The following CCSER1 variants were observed in gnomAD, a reference collection of about 807,000 sequenced individuals.
CCSER1 encodes serine-rich coiled-coil domain-containing protein 1.
Under a neutral mutation model 82.0 loss-of-function variants are expected in CCSER1, and 41 were observed. That is an observed-to-expected ratio of 0.50 (90% CI 0.39 to 0.65). CCSER1 has a LOEUF of 0.65. Among genes scored for constraint, CCSER1 ranks in the 30% least tolerant of loss-of-function variants. The pLI, the probability that CCSER1 is intolerant of heterozygous loss-of-function variation, is 0.00. For missense variants in CCSER1, 1,119 were observed against 1,064.2 expected, an observed-to-expected ratio of 1.05 and a Z score of -0.72; for synonymous variants, 414 against 383.9, an observed-to-expected ratio of 1.08 and a Z score of -0.92.
chr4:90,596,147 T>C (rs1034965480), intron 5 of CCSER1, among the ~76,000 whole-genome samples: 4 of 151,896 alleles, frequency 2.6e-5, no homozygotes, highest in Admixed American at 2.6e-4. Flanking sequence ...GAAACAAAAC[T>C]ATTTCCTCCT....
chr4:91,581,267 C>T (rs1327993634), intron 10 of CCSER1, among the ~76,000 whole-genome samples: 1 of 151,646 alleles, frequency 6.6e-6, no homozygotes, highest in Non-Finnish European at 1.5e-5. Flanking sequence ...AAGCAAGCAC[C>T]AGTTGCTGGC....
At chr4:90,570,022 C>T (rs1314187980) in intron 5 of CCSER1, among the ~76,000 whole-genome samples, 1 of 152,174 alleles carries the variant, frequency 6.6e-6, no homozygotes, top group East Asian at 1.9e-4. Flanking sequence ...GGTCCCAGTT[C>T]CTCAGGACTG....
At chr4:90,366,292 T>C (rs955815227) in intron 3 of CCSER1, among the ~76,000 whole-genome samples, 7 of 149,722 alleles carry the variant, frequency 4.7e-5, no homozygotes, top group Admixed American at 1.3e-4. Context: ...TGTTAGTATC[T>C]TAATCACTTT....
intron 10 of CCSER1, among the ~76,000 whole-genome samples, chr4:91,119,015 T>C (rs780750388): frequency 6.6e-6 from 1 of 152,160 alleles, no homozygotes; most frequent in Non-Finnish European, 1.5e-5. Flanking sequence ...TTTCCTTCCT[T>C]AAAAGAGGTG....
chr4:91,049,276 C>G (rs1461588), intron 9 of CCSER1, among the ~76,000 whole-genome samples: 137,768 of 152,226 alleles, frequency 0.91, 62,491 homozygotes, highest in African/African-American at 0.92. Context: ...AATTGGATCT[C>G]GGAATAATAA....
intron 10 of CCSER1, among the ~76,000 whole-genome samples, chr4:91,456,481 T>C (rs6851215): frequency 0.84 from 127,398 of 152,072 alleles, 53,841 homozygotes; most frequent in African/African-American, 0.94. Flanking sequence ...TCTTTTAATG[T>C]ACTTTCTTAA....
chr4:91,381,990 T>C (rs1750934459), intron 10 of CCSER1, among the ~76,000 whole-genome samples: 2 of 152,184 alleles, frequency 1.3e-5, no homozygotes, highest in South Asian at 4.1e-4. Context: ...AACTGAAGGT[T>C]CCAACTCTGT....
chr4:90,496,994 G>T (rs968575397), intron 5 of CCSER1, among the ~76,000 whole-genome samples: 22 of 127,756 alleles, frequency 1.7e-4, no homozygotes, highest in Admixed American at 8.4e-4. Context: ...AAAAAAAAAA[G>T]AAAGAGAAAG....
intron 5 of CCSER1, among the ~76,000 whole-genome samples, chr4:90,500,577 C>T (rs980667304): frequency 5.3e-5 from 8 of 152,138 alleles, no homozygotes; most frequent in East Asian, 1.9e-4. Context: ...GTGATCTACC[C>T]GCCAACTCCT....
In CCSER1 at chr4:90,334,980, CA is replaced by C. The variant is rs373541206; in HGVS notation, c.1509+21934del. Among the ~76,000 whole-genome samples the C allele has an allele frequency of 7.2e-5, 11 of 152,148 alleles. No individual in the cohort carries two copies. In the East Asian group the frequency reaches 1.9e-3, roughly 27 times the overall value. ...TAGTGTGAAAGGTGACAAAAGGTAA[CA>C]GGAAGAATTTATAAAAGTCAAAAAT... On this transcript the variant is annotated intron_variant, in intron 3 of 10. Coordinates refer to ENST00000509176, the MANE Select transcript of CCSER1 (RefSeq NM_001145065.2).
intron 10 of CCSER1, among the ~76,000 whole-genome samples, chr4:91,331,219 A>T (rs1746929682): frequency 6.6e-6 from 1 of 152,050 alleles, no homozygotes; most frequent in African/African-American, 2.4e-5. Context: ...GAGTTGAATA[A>T]CTCAATTTTT....
At chr4:91,116,861 A>C (rs889431322) in intron 10 of CCSER1, among the ~76,000 whole-genome samples, 1 of 152,190 alleles carries the variant, frequency 6.6e-6, no homozygotes, top group East Asian at 1.9e-4. Context: ...TCATAATTCT[A>C]AGAGGGAAGA....
At chr4:90,335,220 T>C (rs1243658141) in intron 3 of CCSER1, among the ~76,000 whole-genome samples, 2 of 152,330 alleles carry the variant, frequency 1.3e-5, no homozygotes, top group Admixed American at 1.3e-4. Context: ...CTAATTAAAA[T>C]ACGTCATGGC....
At chr4:91,407,652 C>T (rs1274002870) in intron 10 of CCSER1, among the ~76,000 whole-genome samples, 1 of 152,126 alleles carries the variant, frequency 6.6e-6, no homozygotes, top group African/African-American at 2.4e-5. Context: ...TGCTTCCACT[C>T]ATGGTAGAAG....
chr4:90,598,435 A>G (rs1412864342), intron 5 of CCSER1, among the ~76,000 whole-genome samples: 3 of 152,114 alleles, frequency 2.0e-5, no homozygotes, highest in Admixed American at 6.6e-5. Context: ...CACCAACAGC[A>G]TGCTATAGTT....
At chr4:90,914,205 C>A (rs948702757) in intron 8 of CCSER1, among the ~76,000 whole-genome samples, 1 of 152,210 alleles carries the variant, frequency 6.6e-6, no homozygotes, top group Non-Finnish European at 1.5e-5. Context: ...TTCTCAGCCC[C>A]ACACTGCACT....
At chr4:90,306,028 T>C (rs972435946) in intron 1 of CCSER1, among the ~76,000 whole-genome samples, 2 of 152,204 alleles carry the variant, frequency 1.3e-5, no homozygotes, top group African/African-American at 2.4e-5. Context: ...TGTCACAACA[T>C]GGATGAACCT....
At chr4:90,514,019 C>G (rs528698822) in intron 5 of CCSER1, among the ~76,000 whole-genome samples, 5 of 152,120 alleles carry the variant, frequency 3.3e-5, no homozygotes, top group African/African-American at 9.7e-5. Flanking sequence ...GTGGGAGAAG[C>G]TGTGACTTCA....
intron 9 of CCSER1, among the ~76,000 whole-genome samples, chr4:91,055,647 T>C (rs542396329): frequency 6.6e-6 from 1 of 152,256 alleles, no homozygotes; most frequent in South Asian, 2.1e-4. Flanking sequence ...TTGGAGTCCA[T>C]TGAGCTTCTT....
Sources: allele counts gnomAD v4.1 joint callset (sites outside exome capture counted in the v4.1 genomes callset), GRCh38; gene constraint gnomAD v4.1.1; transcripts MANE v1.5; gene names NCBI Gene and HGNC (gene_info 2026-07-23, HGNC 2026-07-21).